The following ZNF44 variants were observed in gnomAD, a reference collection of about 807,000 sequenced individuals.
ZNF44 encodes the protein gonadotropin inducible transcription repressor-2.
ZNF44 carries 9 observed loss-of-function variants against 11.7 expected under a neutral mutation model. The ratio of observed to expected loss-of-function variants is 0.77; its 90% CI spans 0.46 to 1.35. ZNF44 has a LOEUF of 1.35. ZNF44 is among the 40% of genes most tolerant of loss of function. The probability of loss-of-function intolerance (pLI) is 0.00; values close to 1 mark genes in which losing one functional copy is unlikely to be tolerated. For synonymous variants in ZNF44, 224 were observed against 242.7 expected (o/e 0.92, Z 0.72); for missense variants, 696 against 743.1 (o/e 0.94, Z 0.74).
chr19:12,242,683 A>T (rs1439749623), downstream of ZNF44: 1 of 150,786 alleles, frequency 6.6e-6, no homozygotes, highest in East Asian at 1.9e-4. Flanking sequence ...AAAAAAAAAA[A>T]AAAAATATGA....
rs376093097 is a variant in ZNF44, at chr19:12,273,879, T to C, written c.376A>G (p.Thr126Ala). The change falls in exon 4 of 4, where the codon ACT (threonine) becomes GCT (alanine). Residue 126 changes from threonine (T) to alanine (A), a missense_variant. Thr to Ala is a moderately conservative substitution (Grantham distance 58, BLOSUM62 0). Coordinates refer to ENST00000355684, the MANE Select transcript of ZNF44 (RefSeq NM_016264.4). ...SSLNCYIRVD[T>A]GHKHRECHEY... is the part of the protein sequence containing the mutation. ...TGACACTCCCGGTGTTTGTGTCCAGTATCAACTCTGATGTAGCAATTCAGG... is the reference window on the plus strand; with the variant it reads ...TGACACTCCCGGTGTTTGTGTCCAGCATCAACTCTGATGTAGCAATTCAGG... The C allele has an allele frequency of 1.3e-5, 21 of 1,614,090 alleles. No homozygotes were observed. The highest frequency in any genetic ancestry group is 1.8e-5 in the Non-Finnish European group (21 of 1,180,046).
chr19:12,260,209 C>T, intron 5 of ZNF44: 6 of 776,222 alleles, frequency 7.7e-6, no homozygotes, highest in South Asian at 2.7e-5. Flanking sequence ...CAGCACCAAG[C>T]CCAGTAACTT....
chr19:12,260,416 T>C (rs878905745), intron 5 of ZNF44: 1 of 1,444,012 alleles, frequency 6.9e-7, no homozygotes, highest in Admixed American at 1.9e-5. Flanking sequence ...CACATGATCC[T>C]CAAGAACAAG....
At chr19:12,275,835 A>G in intron 2 of ZNF44, 121 bp downstream of exon 2, 1 of 1,305,350 alleles carries the variant, frequency 7.7e-7, no homozygotes, top group Non-Finnish European at 1.0e-6. Context: ...CTGGCACTTC[A>G]CCCTGTGTTG....
exon 8 of ZNF44, chr19:12,247,867 T>C: frequency 7.6e-7 from 1 of 1,312,020 alleles, no homozygotes; most frequent in Non-Finnish European, 1.0e-6. Context: ...TCATAGTGTT[T>C]CTGTGCAGTG....
downstream of ZNF44, chr19:12,247,462 T>G (rs749446208): frequency 6.1e-5 from 81 of 1,335,536 alleles, no homozygotes; most frequent in Non-Finnish European, 8.1e-5. Flanking sequence ...CCAGTATGAA[T>G]TCGTTCATGT....
chr19:12,250,816 G>C (rs764190707), intron 5 of ZNF44: 3 of 456,122 alleles, frequency 6.6e-6, no homozygotes, highest in Non-Finnish European at 1.3e-5. Context: ...CTAAGCATGA[G>C]AACAAGAGGC....
intron 5 of ZNF44, among the ~76,000 whole-genome samples, chr19:12,256,934 C>T (rs1038938069): frequency 4.6e-5 from 7 of 152,094 alleles, no homozygotes; most frequent in Non-Finnish European, 1.0e-4. Flanking sequence ...TCTCAAATTC[C>T]TGACCTCGAG....
chr19:12,233,452 CAAAT>C (rs1331911475), intron 2 of ZNF44, among the ~76,000 whole-genome samples: 2 of 145,930 alleles, frequency 1.4e-5, no homozygotes, highest in Non-Finnish European at 3.0e-5. Context: ...CAAAACAAAG[CAAAT>C]AACAATAACA....
chr19:12,258,313 C>G (rs1465396301), intron 5 of ZNF44, among the ~76,000 whole-genome samples: 4 of 105,230 alleles, frequency 3.8e-5, no homozygotes, highest in Non-Finnish European at 6.9e-5. Context: ...GCGTGGGCAA[C>G]AGAGTGAGAT....
At chr19:12,266,503 C>G (rs1917734886) in intron 5 of ZNF44, among the ~76,000 whole-genome samples, 1 of 152,182 alleles carries the variant, frequency 6.6e-6, no homozygotes, top group African/African-American at 2.4e-5. Context: ...TGGCACGGCC[C>G]CGCCCTCAGA....
intron 1 of ZNF44, chr19:12,237,181 GC>G (rs1001587796): frequency 6.6e-6 from 1 of 152,340 alleles, no homozygotes; most frequent in African/African-American, 2.4e-5. Context: ...TCCTCCCGTG[GC>G]CCCCACACAA....
At chr19:12,258,560 T>G (rs547475199) in intron 5 of ZNF44, among the ~76,000 whole-genome samples, 1 of 152,276 alleles carries the variant, frequency 6.6e-6, no homozygotes, top group East Asian at 1.9e-4. Context: ...CCAGGTGCAG[T>G]GGCTCATGCC....
At chr19:12,247,168 G>A (rs2438561), downstream of ZNF44, 7,577 of 445,420 alleles carry the variant, frequency 0.017, 528 homozygotes, top group African/African-American at 0.15. Flanking sequence ...GTTATATCAG[G>A]CTTTCCTGTA....
At chr19:12,283,621 G>A (rs183269423) in intron 1 of ZNF44, among the ~76,000 whole-genome samples, 17 of 152,150 alleles carry the variant, frequency 1.1e-4, no homozygotes, top group Admixed American at 6.5e-4. Flanking sequence ...AAGCCACCAC[G>A]CCCAGCCAGA....
At chr19:12,243,265 C>A (rs1387267267), downstream of ZNF44, among the ~76,000 whole-genome samples, 1 of 152,206 alleles carries the variant, frequency 6.6e-6, no homozygotes, top group East Asian at 1.9e-4. Flanking sequence ...TTGATGACCA[C>A]CCATGCTGTA....
At chr19:12,278,949 T>A (rs1275124818) in intron 1 of ZNF44, among the ~76,000 whole-genome samples, 1 of 152,182 alleles carries the variant, frequency 6.6e-6, no homozygotes, top group Admixed American at 6.5e-5. Flanking sequence ...AAGAGAAGGC[T>A]ACAGTAGTAA....
chr19:12,294,758 CA>C lies in ZNF44; in HGVS notation c.-65del. 2 of 1,529,780 alleles carry C rather than the reference CA, an allele frequency of 1.3e-6. No homozygotes were observed. The highest frequency in any genetic ancestry group is 1.4e-5 in the African/African-American group (1 of 71,290). The allele number at this position is 1,529,780 out of a possible 1,614,324, so 94.8% of individuals were successfully genotyped here. On this transcript the variant is annotated 5_prime_UTR_variant, in exon 1 of 4. Coordinates refer to ENST00000355684, the MANE Select transcript of ZNF44 (RefSeq NM_016264.4). The stretch of plus-strand genomic sequence containing the variant: ...GTAGTCAGGGTAGGTCCCAGCGCGA[CA>C]AAAGCCACCACAGATGTCCCAGGGC...
intron 1 of ZNF44, among the ~76,000 whole-genome samples, chr19:12,235,933 G>A (rs2145679820): frequency 6.6e-6 from 1 of 152,328 alleles, no homozygotes; most frequent in East Asian, 1.9e-4. Flanking sequence ...TGTGCCTAGG[G>A]AAGATAAAAG....
Sources: allele counts gnomAD v4.1 joint callset (sites outside exome capture counted in the v4.1 genomes callset), GRCh38; gene constraint gnomAD v4.1.1; transcripts MANE v1.5; gene names NCBI Gene and HGNC (gene_info 2026-07-23, HGNC 2026-07-21).